NTNG1: variants seen among roughly 807,000 people sequenced by gnomAD.
NTNG1 encodes netrin G1, also known as netrin-G1.
A neutral mutation model predicts 54.0 loss-of-function variants in NTNG1; 16 were observed. The ratio of observed to expected loss-of-function variants is 0.30; its 90% confidence interval spans 0.20 to 0.45. The LOEUF (loss-of-function observed/expected upper bound fraction) is 0.45, where lower values mean the gene tolerates loss of function less well. NTNG1 is among the 20% of genes least tolerant of loss of function. NTNG1 has a pLI of 1.00. For synonymous variants in NTNG1, 255 were observed against 263.1 expected (o/e 0.97, Z 0.30); for missense variants, 530 against 678.7 (o/e 0.78, Z 2.43).
intron 2 of NTNG1, among the ~76,000 whole-genome samples, chr1:107,307,343 T>C: frequency 6.6e-6 from 1 of 152,192 alleles, no homozygotes; most frequent in East Asian, 1.9e-4. Context: ...TTTTATAAGA[T>C]GGCAAGCTGG....
intron 2 of NTNG1, among the ~76,000 whole-genome samples, chr1:107,187,494 A>C (rs923741496): frequency 6.6e-6 from 1 of 152,182 alleles, no homozygotes; most frequent in Non-Finnish European, 1.5e-5. Flanking sequence ...TTAATGAATA[A>C]ATGAATGAAT....
intron 3 of NTNG1, among the ~76,000 whole-genome samples, chr1:107,341,758 G>C (rs1283265384): frequency 1.3e-5 from 2 of 152,210 alleles, no homozygotes; most frequent in East Asian, 3.9e-4. Context: ...GAGAGAAAAA[G>C]AGTTTGGGAT....
chr1:107,439,557 A>G (rs183470237), intron 7 of NTNG1, among the ~76,000 whole-genome samples: 4 of 152,274 alleles, frequency 2.6e-5, no homozygotes, highest in African/African-American at 9.6e-5. Context: ...ATTAGATTTG[A>G]TATATAAATT....
At chr1:107,248,363 T>C (rs1188925095) in intron 2 of NTNG1, among the ~76,000 whole-genome samples, 1 of 152,218 alleles carries the variant, frequency 6.6e-6, no homozygotes, top group African/African-American at 2.4e-5. Context: ...TAATACGATG[T>C]CTTCTCCAAT....
At chr1:107,479,206 C>G (rs575663485) in intron 7 of NTNG1, among the ~76,000 whole-genome samples, 31 of 152,322 alleles carry the variant, frequency 2.0e-4, no homozygotes, top group African/African-American at 6.7e-4. Context: ...TTAGGGCACT[C>G]TGTTATTAAC....
intron 2 of NTNG1, among the ~76,000 whole-genome samples, chr1:107,231,345 G>A (rs1218447480): frequency 1.3e-5 from 2 of 152,148 alleles, no homozygotes; most frequent in Non-Finnish European, 2.9e-5. Flanking sequence ...GAGTTACAGA[G>A]GACAAGTGAG....
At chr1:107,294,462 A>G (rs1462850371) in intron 2 of NTNG1, among the ~76,000 whole-genome samples, 3 of 152,212 alleles carry the variant, frequency 2.0e-5, no homozygotes, top group African/African-American at 7.2e-5. Flanking sequence ...CAGAGCATGA[A>G]TAGAAAGGAG....
chr1:107,208,760 G>T (rs1659391481), intron 2 of NTNG1, among the ~76,000 whole-genome samples: 1 of 152,122 alleles, frequency 6.6e-6, no homozygotes, highest in Non-Finnish European at 1.5e-5. Flanking sequence ...CCCAGAGGGT[G>T]CCTCAGTTTC....
rs917433956 is a variant in NTNG1, at chr1:107,386,133, A to G, written c.888-9021A>G. On this transcript the variant is annotated intron_variant, in intron 3 of 7. Transcript: ENST00000370068. ...CACATATATATACTTATATGTATGTATATATATATATGTGTGTATATATAT... is the reference window on the plus strand; with the variant it reads ...CACATATATATACTTATATGTATGTGTATATATATATGTGTGTATATATAT... Among the ~76,000 whole-genome samples the G allele has an allele frequency of 4.4e-4, 47 of 107,284 alleles. 1 individual carries two copies. Among genetic ancestry groups the G allele is most frequent in the Middle Eastern group, 6.5e-3 (1 of 154 alleles). 70.4% of individuals were successfully genotyped at this position (107,284 alleles called of 152,430 possible).
chr1:107,421,087 C>T, intron 5 of NTNG1: 1 of 1,607,194 alleles, frequency 6.2e-7, no homozygotes, highest in South Asian at 1.1e-5. Context: ...TATCCAGTTG[C>T]TCCCAAATTA....
chr1:107,382,361 G>A (rs1227851290), intron 3 of NTNG1, among the ~76,000 whole-genome samples: 4 of 152,162 alleles, frequency 2.6e-5, no homozygotes, highest in East Asian at 1.9e-4. Context: ...GCTAGTTAGT[G>A]TCTCTTGATC....
chr1:107,258,585 G>A (rs1214240082), intron 2 of NTNG1, among the ~76,000 whole-genome samples: 1 of 152,124 alleles, frequency 6.6e-6, no homozygotes, highest in Non-Finnish European at 1.5e-5. Flanking sequence ...CAAGATACCT[G>A]TTTTAAGGTG....
intron 3 of NTNG1, among the ~76,000 whole-genome samples, chr1:107,373,084 A>T (rs1239676453): frequency 1.3e-5 from 2 of 152,048 alleles, no homozygotes; most frequent in Non-Finnish European, 2.9e-5. Flanking sequence ...ACTTAATGTA[A>T]TTATTGATAT....
intron 3 of NTNG1, among the ~76,000 whole-genome samples, chr1:107,365,005 T>C (rs1670511772): frequency 6.6e-6 from 1 of 152,240 alleles, no homozygotes; most frequent in African/African-American, 2.4e-5. Context: ...TTAATGAGTA[T>C]ATTGAAACAA....
At chr1:107,380,831 T>C (rs944529769) in intron 3 of NTNG1, among the ~76,000 whole-genome samples, 2 of 152,166 alleles carry the variant, frequency 1.3e-5, no homozygotes, top group African/African-American at 4.8e-5. Flanking sequence ...ATAGTCCTGG[T>C]TCCTTTCCTC....
chr1:107,140,756 GAA>G (rs776127435), upstream of NTNG1: 30 of 96,048 alleles, frequency 3.1e-4, no homozygotes, highest in African/African-American at 7.2e-4. Context: ...CCTGCGGCTT[GAA>G]AAAAAAAAAA....
chr1:107,400,366 A>T (rs934943947), intron 4 of NTNG1, among the ~76,000 whole-genome samples: 3 of 152,160 alleles, frequency 2.0e-5, no homozygotes, highest in Non-Finnish European at 4.4e-5. Context: ...GATAGCTACC[A>T]TTTATTAAAT....
intron 7 of NTNG1, among the ~76,000 whole-genome samples, chr1:107,455,177 C>T (rs979482573): frequency 6.6e-6 from 1 of 152,134 alleles, no homozygotes; most frequent in South Asian, 2.1e-4. Flanking sequence ...GATTCTCCTG[C>T]CTCAGCCTCC....
At chr1:107,309,527 C>G (rs1033490533) in intron 2 of NTNG1, among the ~76,000 whole-genome samples, 4 of 152,162 alleles carry the variant, frequency 2.6e-5, no homozygotes, top group Non-Finnish European at 4.4e-5. Flanking sequence ...TGACTATCTA[C>G]TCTCTGCCAG....
Sources: gnomAD v4.1 joint callset for allele counts (sites outside exome capture counted in the v4.1 genomes callset) on GRCh38, gnomAD v4.1.1 for gene constraint, MANE v1.5 for transcripts, NCBI Gene and HGNC (gene_info 2026-07-23, HGNC 2026-07-21) for gene names.